The following SYTL5 variants were observed in gnomAD, a reference collection of about 807,000 sequenced individuals.
SYTL5 encodes the protein synaptotagmin-like protein 5.
Under a neutral mutation model 55.9 loss-of-function variants are expected in SYTL5, and 34 were observed. That is an observed-to-expected ratio of 0.61 (90% confidence interval 0.46 to 0.81). The LOEUF is 0.81. Ranked by LOEUF, SYTL5 falls within the 30% of genes least tolerant of loss-of-function variation. The probability of loss-of-function intolerance (pLI) is 0.00; values close to 1 mark genes in which losing one functional copy is unlikely to be tolerated. For missense variants in SYTL5, 637 were observed against 546.7 expected, an observed-to-expected ratio of 1.17 and a Z score of -1.65; for synonymous variants, 221 against 188.7, an observed-to-expected ratio of 1.17 and a Z score of -1.40.
the SYTL5 span, among the ~76,000 whole-genome samples, chrX:37,894,549 G>A: frequency 9.8e-5 from 11 of 111,940 alleles, no homozygotes; most frequent in East Asian, 2.8e-4. Flanking sequence ...TGGGTGAGTC[G>A]TTAATGCATT....
the SYTL5 span, among the ~76,000 whole-genome samples, chrX:37,939,976 C>T: frequency 3.2e-4 from 35 of 110,749 alleles, no homozygotes; most frequent in African/African-American, 9.0e-4. Flanking sequence ...GGACTACAGG[C>T]GTGCGCCACC....
rs772890043 is a variant in SYTL5 at position 38,108,696 on chromosome X, A to G, written c.1431A>G (p.Leu477=). ...CCAATCCAGAATTCAATGAAACACT[A>G]AAGGTAAATAAATACGGTCTCATAG... ...TGTNPEFNET[L]KYTISHTQLE... is the part of the protein sequence containing the mutation. The change falls in exon 12 of 17, where the codon CTA becomes CTG. Residue 477 remains leucine (L), a synonymous_variant. Transcript: ENST00000297875. 8.6e-7 allele frequency: 1 copy of G among 1,160,060 alleles called. No homozygotes were observed. The highest frequency in any genetic ancestry group is 1.2e-6 in the Non-Finnish European group (1 of 854,740).
the SYTL5 span, among the ~76,000 whole-genome samples, chrX:37,934,908 A>G: frequency 8.9e-6 from 1 of 112,118 alleles, no homozygotes; most frequent in Non-Finnish European, 1.9e-5. Flanking sequence ...TGTTGGGATT[A>G]CAGGCGTGAG....
At chrX:37,999,682 T>C in the SYTL5 span, among the ~76,000 whole-genome samples, 4 of 111,997 alleles carry the variant, frequency 3.6e-5, no homozygotes, top group African/African-American at 1.3e-4. Context: ...TAAAATGAGG[T>C]TGGAAAAATT....
At chrX:38,004,569 T>G (rs1229520417), upstream of SYTL5, among the ~76,000 whole-genome samples, 1 of 111,967 alleles carries the variant, frequency 8.9e-6, no homozygotes, top group Non-Finnish European at 1.9e-5. Context: ...GTGGTACATA[T>G]ACACAATAGA....
chrX:37,981,673 A>G, the SYTL5 span, among the ~76,000 whole-genome samples: 1 of 111,785 alleles, frequency 8.9e-6, no homozygotes, highest in South Asian at 3.8e-4. Context: ...CAGTCTATGG[A>G]GCAATTTATG....
chrX:37,999,080 T>C, the SYTL5 span, among the ~76,000 whole-genome samples: 1 of 112,288 alleles, frequency 8.9e-6, no homozygotes, highest in African/African-American at 3.2e-5. Flanking sequence ...TTAACAACAG[T>C]CAGACTGGTA....
At chrX:38,089,299 A>C (rs1936737616) in intron 6 of SYTL5, 147 bp from the exon 7 acceptor site, 9 of 621,210 alleles carry the variant, frequency 1.4e-5, no homozygotes, top group Non-Finnish European at 2.1e-5. Flanking sequence ...AGGTAACATG[A>C]TAGTTTCTAA....
chrX:38,117,366 G>A (rs7876329), intron 13 of SYTL5, among the ~76,000 whole-genome samples: 3,707 of 111,410 alleles, frequency 0.033, 150 homozygotes, highest in African/African-American at 0.12. Context: ...ATGGAACATT[G>A]GTAAGTCCCA....
intron 13 of SYTL5, among the ~76,000 whole-genome samples, chrX:38,119,632 G>T (rs1446505468): frequency 8.9e-6 from 1 of 112,246 alleles, no homozygotes; most frequent in Non-Finnish European, 1.9e-5. Flanking sequence ...AAATAAAGCT[G>T]ATACAAATAT....
At chrX:38,037,003 A>T (rs766774884) in intron 2 of SYTL5, among the ~76,000 whole-genome samples, 30 of 111,597 alleles carry the variant, frequency 2.7e-4, no homozygotes, top group Non-Finnish European at 4.9e-4. Flanking sequence ...TCAGTGCTCT[A>T]CTCAGATCCC....
chrX:37,918,929 T>C, the SYTL5 span, among the ~76,000 whole-genome samples: 9 of 101,316 alleles, frequency 8.9e-5, no homozygotes, highest in South Asian at 3.9e-3. Context: ...TGCAAGGGAG[T>C]CTGGAAAGTG....
chrX:38,120,604 G>A, intron 14 of SYTL5, 138 bp downstream of exon 14: 1 of 479,674 alleles, frequency 2.1e-6, no homozygotes. Flanking sequence ...ACTGTCTTTT[G>A]GGGAGAGTTG....
the SYTL5 span, among the ~76,000 whole-genome samples, chrX:37,943,691 G>A: frequency 9.0e-6 from 1 of 111,423 alleles, no homozygotes; most frequent in Non-Finnish European, 1.9e-5. Flanking sequence ...GCCCAAGGTC[G>A]GAACTAGGTT....
At position 38,092,364 on chromosome X, in the gene SYTL5, A is replaced by G. The variant is rs190599552; in HGVS notation, c.832-1931A>G. On this transcript the variant is annotated intron_variant, in intron 7 of 16. Coordinates refer to ENST00000297875, the MANE Select transcript of SYTL5 (RefSeq NM_138780.3). ...GAAGACAGTAGGATGGCTCAATCCA[A>G]GTCTGAATGCCTCAAAACCAGGGAG... Among the ~76,000 whole-genome samples, 473 of 111,603 alleles carry G rather than the reference A, an allele frequency of 4.2e-3. 1 individual carries two copies. Among genetic ancestry groups the G allele is most frequent in the Non-Finnish European group, 6.7e-3 (354 of 53,091 alleles).
At chrX:37,937,212 T>C in the SYTL5 span, among the ~76,000 whole-genome samples, 1 of 110,889 alleles carries the variant, frequency 9.0e-6, no homozygotes, top group Non-Finnish European at 1.9e-5. Context: ...GCTGTGTTAC[T>C]TCATAACACA....
At chrX:38,057,732 G>A (rs1935832969) in intron 3 of SYTL5, among the ~76,000 whole-genome samples, 1 of 111,316 alleles carries the variant, frequency 9.0e-6, no homozygotes, top group South Asian at 3.7e-4. Context: ...TCTGTCATCA[G>A]CAAACTTCCT....
intron 9 of SYTL5, among the ~76,000 whole-genome samples, chrX:38,101,146 T>C (rs1300390641): frequency 9.0e-6 from 1 of 111,161 alleles, no homozygotes; most frequent in Non-Finnish European, 1.9e-5. Context: ...ACGAAATCAT[T>C]TTGTTTCAGA....
rs1461861131 is a variant in SYTL5, at chrX:38,126,637, G to A, written c.2100G>A (p.Glu700=). The A allele has an allele frequency of 8.3e-7, 1 of 1,211,083 alleles. No homozygotes were observed. The change falls in exon 17 of 17, where the codon GAG becomes GAA. Residue 700 remains glutamate, a synonymous_variant. Transcript: ENST00000297875. The part of the protein sequence containing the change: ...NVDWMDSQGE[E]QRLWQKMANN... ...ATTGGATGGACTCTCAGGGGGAAGA[G>A]CAGCGCCTTTGGCAGAAGATGGCCA...
Sources: allele counts gnomAD v4.1 joint callset (sites outside exome capture counted in the v4.1 genomes callset), GRCh38; gene constraint gnomAD v4.1.1; transcripts MANE v1.5; gene names NCBI Gene and HGNC (gene_info 2026-07-23, HGNC 2026-07-21).